Variants in ERCC3 observed in about 807,000 individuals in gnomAD.
ERCC3 encodes ERCC excision repair 3, TFIIH core complex helicase subunit.
ERCC3 carries 66 observed loss-of-function variants against 94.2 expected under a neutral mutation model. The ratio of observed to expected loss-of-function variants is 0.70; its 90% CI spans 0.57 to 0.86. The LOEUF is 0.86. Among genes scored for constraint, ERCC3 ranks in the 40% least tolerant of loss-of-function variants. The pLI is 0.00. For synonymous variants in ERCC3, 349 were observed against 369.1 expected (o/e 0.95, Z 0.63); for missense variants, 829 against 987.1 (o/e 0.84, Z 2.15).
intron 8 of ERCC3, among the ~76,000 whole-genome samples, chr2:127,285,038 G>A (rs542904282): frequency 8.6e-4 from 131 of 152,038 alleles, no homozygotes; most frequent in African/African-American, 2.7e-3. Flanking sequence ...AAAAAGATTC[G>A]CCCAAAAAAC....
At chr2:127,265,767 T>C (rs1277663890) in intron 12 of ERCC3, among the ~76,000 whole-genome samples, 6 of 152,166 alleles carry the variant, frequency 3.9e-5, no homozygotes, top group Non-Finnish European at 5.9e-5. Flanking sequence ...TCCTTTGTAT[T>C]GTTTTTGAGT....
At position 127,258,735 on chromosome 2, in the gene ERCC3, T is replaced by C. The variant is rs988003134; in HGVS notation, c.2217+561A>G. ...AATGATGCTCTCACTAATTAGACCA[T>C]ATATTTACTTGGCCTAGAGCAGGCA... On this transcript the variant is annotated intron_variant, in intron 14 of 14. Transcript: ENST00000285398. The surrounding 1 kb of genome is among the most constrained non-coding windows in gnomAD (Gnocchi z 4.1). Among the ~76,000 whole-genome samples, 1 of 152,192 alleles carries C rather than the reference T, an allele frequency of 6.6e-6. No individual in the cohort carries two copies. Among genetic ancestry groups the C allele is most frequent in the South Asian group, 2.1e-4 (1 of 4,832 alleles).
At chr2:127,276,154 C>T (rs1376101164) in intron 10 of ERCC3, among the ~76,000 whole-genome samples, 2 of 152,190 alleles carry the variant, frequency 1.3e-5, no homozygotes, top group Non-Finnish European at 2.9e-5. Flanking sequence ...TCCCCTAACA[C>T]ACGGTGGTGC....
chr2:127,282,637 C>T (rs1684951575), intron 8 of ERCC3, among the ~76,000 whole-genome samples: 1 of 152,166 alleles, frequency 6.6e-6, no homozygotes, highest in Admixed American at 6.5e-5. Flanking sequence ...AGGAGACTTA[C>T]TGTGACTTCC....
At position 127,274,984 on chromosome 2, in the gene ERCC3, G is replaced by A. The variant is rs139840533; in HGVS notation, c.1731-2023C>T. ...TCCATGTGACCGAAGTACAAAAGGA[G>A]TTCAGAGGTAAACAACTTTCCCACA... On this transcript the variant is annotated intron_variant, in intron 10 of 14. Coordinates refer to ENST00000285398, the MANE Select transcript of ERCC3 (RefSeq NM_000122.2). The surrounding 1 kb of genome is among the most constrained non-coding windows in gnomAD (Gnocchi z 4.0). Among the ~76,000 whole-genome samples the A allele has an allele frequency of 3.6e-4, 55 of 152,308 alleles. No homozygotes were observed. The highest frequency in any genetic ancestry group is 7.3e-4 in the Non-Finnish European group (50 of 68,032).
At chr2:127,287,148 G>A (rs779781485) in intron 7 of ERCC3, 131 bp from the exon 8 acceptor site, 201 of 691,162 alleles carry the variant, frequency 2.9e-4, no homozygotes, top group Non-Finnish European at 4.5e-4. Flanking sequence ...ACATCTGAGC[G>A]ACACACACTG....
rs773390535 is a variant in ERCC3 at position 127,292,669 on chromosome 2, C to T, written c.412G>A (p.Glu138Lys). ...SVGLQTSDIT[E>K]YLRKLSKTGV... ...GTCTTGCTGAGCTTCCTGAGGTACT[C>T]GGTGATGTCACTGGTTTGCAGCCCA... The change falls in exon 3 of 15, where the codon GAG becomes AAG. Residue 138 changes from glutamate to lysine, a missense_variant. Physicochemically the swap from Glu to Lys is moderately conservative, Grantham distance 56. Transcript: ENST00000285398. 1.6e-5 allele frequency: 26 copies of T among 1,614,052 alleles called. No homozygotes were observed. In the Admixed American group the frequency reaches 2.3e-4, roughly 14 times the overall value.
intron 12 of ERCC3, chr2:127,262,415 C>G (rs1684215286): frequency 6.6e-6 from 1 of 152,282 alleles, no homozygotes; most frequent in South Asian, 2.1e-4. Context: ...ATCCCTTGAA[C>G]CTGCGAGGCA....
intron 12 of ERCC3, among the ~76,000 whole-genome samples, chr2:127,270,583 T>C (rs966203996): frequency 6.6e-6 from 1 of 152,134 alleles, no homozygotes; most frequent in Non-Finnish European, 1.5e-5. Context: ...TGCCCACTAA[T>C]CTTGTCATTT....
rs577194505 is a variant in ERCC3, at chr2:127,281,665, C to T, written c.1343-1034G>A. Among the ~76,000 whole-genome samples, 32 of 152,096 alleles carry T rather than the reference C, an allele frequency of 2.1e-4. 1 individual carries two copies. Among genetic ancestry groups the T allele is most frequent in the Non-Finnish European group, 3.2e-4 (22 of 68,032 alleles). ...GCCTGAATGCACCAAAACACAAAGA[C>T]GTTCACAGTGAAATAACATAGGGTT... On this transcript the variant is annotated intron_variant, in intron 8 of 14. Transcript: ENST00000285398.
Position 127,289,462 on chromosome 2 carries a change from A to G in ERCC3, c.697T>C (p.Ser233Pro). Reference protein sequence around the residue: ...TAESSGGPSTSRVTDPQGKSD... With the variant: ...TAESSGGPSTPRVTDPQGKSD... The stretch of plus-strand genomic sequence containing the variant: ...TTACCCTGTGGATCTGTCACTCGGG[A>G]AGTGGAGGGCCCACCACTGCTTTCA... The change falls in exon 6 of 15, where the codon TCC (serine) becomes CCC (proline). Residue 233 changes from serine to proline, a missense_variant. Transcript: ENST00000285398. The G allele has an allele frequency of 6.2e-7, 1 of 1,612,844 alleles. No individual in the cohort carries two copies. The highest frequency in any genetic ancestry group is 8.5e-7 in the Non-Finnish European group (1 of 1,179,990).
chr2:127,287,726 G>A (rs986215269), intron 7 of ERCC3, among the ~76,000 whole-genome samples: 14 of 152,314 alleles, frequency 9.2e-5, no homozygotes, highest in African/African-American at 3.4e-4. Context: ...GTCCCAGCAT[G>A]CCTGGCCCAC....
At position 127,284,140 on chromosome 2, in the gene ERCC3, C is replaced by G. The variant is rs1457170042; in HGVS notation, c.1342+2563G>C. 6.6e-6 allele frequency: 1 copy of G among 152,278 alleles called. No individual in the cohort carries two copies. The highest frequency in any genetic ancestry group is 1.5e-5 in the Non-Finnish European group (1 of 68,078). The allele number at this position is 152,278 out of a possible 1,614,324, so 9.4% of individuals were successfully genotyped here. A position where few individuals can be genotyped will look rare whatever the true frequency, so the allele number is the denominator to read the frequency against. On this transcript the variant is annotated intron_variant, in intron 8 of 14. Coordinates refer to ENST00000285398, the MANE Select transcript of ERCC3 (RefSeq NM_000122.2). This position sits in a 1 kb window ranked among gnomAD's most constrained non-coding sequence, Gnocchi z 4.1. ...CAACATATCCAGAGTCGGATCACGC[C>G]TTCATCCTTACTGGGATTCCACAAA...
Position 127,257,700 on chromosome 2 carries a change from A to C in ERCC3, c.2245T>G (p.Ser749Ala). ...ACAGTGTCGTCGGCCCCAGACATAG[A>C]ACTCATGGTGCCAAAGCGCCGAGAT... ...QASRRFGTMSSMSGADDTVYM... is the reference protein window; with the variant it reads ...QASRRFGTMSAMSGADDTVYM... Residue 749 changes from serine (S) to alanine (A), a missense_variant, in exon 15 of 15, where the codon TCT (serine) becomes GCT (alanine). Ser to Ala is a moderately conservative substitution (Grantham distance 99). Transcript: ENST00000285398. This position sits in a 1 kb window ranked among gnomAD's most constrained non-coding sequence, Gnocchi z 5.4. The C allele has an allele frequency of 6.2e-7, 1 of 1,614,170 alleles. No homozygotes were observed. Among genetic ancestry groups the C allele is most frequent in the Non-Finnish European group, 8.5e-7 (1 of 1,180,032 alleles).
intron 10 of ERCC3, among the ~76,000 whole-genome samples, chr2:127,273,804 A>G (rs1301147369): frequency 1.3e-5 from 2 of 151,248 alleles, no homozygotes; most frequent in Non-Finnish European, 2.9e-5. Flanking sequence ...AAAGGGTACA[A>G]CCCTATCAAT....
Position 127,289,327 on chromosome 2 carries a change from A to G in ERCC3, c.822+10T>C. On this transcript the variant is annotated intron_variant, in intron 6 of 14. Transcript: ENST00000285398. ...AGTGAAGGAACCAGGAGGAAGGTAC[A>G]TTCACTAACCTGCTTGACTTCAAAA... The G allele has an allele frequency of 6.2e-7, 1 of 1,612,924 alleles. No homozygotes were observed. Among genetic ancestry groups the G allele is most frequent in the Non-Finnish European group, 8.5e-7 (1 of 1,179,164 alleles).
Position 127,257,677 on chromosome 2 carries a change from A to C in ERCC3, c.2268T>G (p.Thr756=). The change falls in exon 15 of 15, where the codon ACT becomes ACG. Residue 756 remains threonine, a synonymous_variant. Coordinates refer to ENST00000285398, the MANE Select transcript of ERCC3 (RefSeq NM_000122.2). The surrounding 1 kb of genome is among the most constrained non-coding windows in gnomAD (Gnocchi z 5.4). ...GCGATGAGTGGTACTCCATGTACAC[A>C]GTGTCGTCGGCCCCAGACATAGAAC... The part of the protein sequence containing the change: ...TMSSMSGADD[T]VYMEYHSSRS... 6.2e-7 allele frequency: 1 copy of C among 1,614,220 alleles called. No homozygotes were observed. The highest frequency in any genetic ancestry group is 8.5e-7 in the Non-Finnish European group (1 of 1,180,036).
chr2:127,293,153 T>C (rs184365609), intron 2 of ERCC3, among the ~76,000 whole-genome samples: 8 of 152,366 alleles, frequency 5.3e-5, no homozygotes. Flanking sequence ...ACATTAATTA[T>C]TTAAAGTAGA....
intron 12 of ERCC3, among the ~76,000 whole-genome samples, chr2:127,269,381 T>A (rs1487591413): frequency 6.6e-6 from 1 of 151,882 alleles, no homozygotes; most frequent in African/African-American, 2.4e-5. Flanking sequence ...AGTGTCATGT[T>A]AAACAGTGTT....
Sources: gnomAD v4.1 joint callset for allele counts (sites outside exome capture counted in the v4.1 genomes callset) on GRCh38, gnomAD v4.1.1 for gene constraint, Gnocchi (gnomAD v3.1) non-coding constraint, MANE v1.5 for transcripts, NCBI Gene and HGNC (gene_info 2026-07-23, HGNC 2026-07-21) for gene names.